Variants in ZNF366 observed in about 807,000 individuals in gnomAD.
ZNF366 encodes the protein dendritic cell-specific transcript protein.
A neutral mutation model predicts 47.2 loss-of-function variants in ZNF366; 20 were observed. The ratio of observed to expected loss-of-function variants is 0.42; its 90% confidence interval spans 0.30 to 0.62. ZNF366 has a LOEUF of 0.62. Ranked by LOEUF, ZNF366 falls within the 20% of genes least tolerant of loss-of-function variation. The pLI, the probability that ZNF366 is intolerant of heterozygous loss-of-function variation, is 0.16. For missense variants in ZNF366, 987 were observed against 976.3 expected, an observed-to-expected ratio of 1.01 and a Z score of -0.15; for synonymous variants, 421 against 395.1, an observed-to-expected ratio of 1.07 and a Z score of -0.78.
chr5:72,482,803 C>A (rs901826687), intron 1 of ZNF366, among the ~76,000 whole-genome samples: 2 of 146,662 alleles, frequency 1.4e-5, no homozygotes, highest in South Asian at 2.2e-4. Flanking sequence ...TTCTGAGAAA[C>A]CTTCTCTTAA....
rs1435589892 is a variant in ZNF366, at chr5:72,440,464, G to A, written c.*3292C>T. On this transcript the variant is annotated 3_prime_UTR_variant, in exon 5 of 5. Coordinates refer to ENST00000318442, the MANE Select transcript of ZNF366 (RefSeq NM_152625.3). ...GTGACAGTGGTCAAAAGGCTGGAAA[G>A]CATTTGGTAGTGACCTATTTTCAGA... The A allele has an allele frequency of 2.6e-5, 4 of 152,224 alleles. No homozygotes were observed. In the East Asian group the frequency reaches 7.7e-4, roughly 29 times the overall value. The allele number at this position is 152,224 out of a possible 1,614,324, so 9.4% of individuals were successfully genotyped here.
intron 1 of ZNF366, among the ~76,000 whole-genome samples, chr5:72,500,050 C>T (rs1277400974): frequency 6.6e-6 from 1 of 152,178 alleles, no homozygotes; most frequent in African/African-American, 2.4e-5. Context: ...ATTCTTTCCA[C>T]AGAGTTTTCT....
chr5:72,444,124 C>T lies in ZNF366; in HGVS notation c.1867G>A (p.Asp623Asn), dbSNP rs1473569929. The change falls in exon 5 of 5, where the codon GAT becomes AAT. Residue 623 changes from aspartate to asparagine, a missense_variant. By Grantham distance (23) the Asp-to-Asn change is conservative. Around this residue, in one of 3 missense-constraint regions of ZNF366, gnomAD observed 285 missense variants for 234.8 expected, o/e 1.21. Coordinates refer to ENST00000318442, the MANE Select transcript of ZNF366 (RefSeq NM_152625.3). ...GSHCHEEEEE[D>N]NCYEVEPYSP... ...TAGGGCTCCACCTCGTAGCAGTTAT[C>T]CTCCTCTTCCTCCTCGTGGCAGTGG... 4 of 1,613,828 alleles carry T rather than the reference C, an allele frequency of 2.5e-6. No individual in the cohort carries two copies. Among genetic ancestry groups the T allele is most frequent in the South Asian group, 2.2e-5 (2 of 91,092 alleles).
chr5:72,492,761 TG>T (rs1469335149), intron 1 of ZNF366, among the ~76,000 whole-genome samples: 2 of 152,250 alleles, frequency 1.3e-5, no homozygotes, highest in Admixed American at 1.3e-4. Context: ...CTTACAGCTG[TG>T]GTCCTCAGCA....
In ZNF366 at chr5:72,453,102, C is replaced by A. The variant is rs1035341195; in HGVS notation, c.1524+3302G>T. On this transcript the variant is annotated intron_variant, in intron 3 of 4. Transcript: ENST00000318442. ...ATCCTATTGTTAATGCCTAATCCCA[C>A]AGTGAGTGAACATTTCTGCGTGCTA... is the stretch of plus-strand genomic sequence containing the variant. Among the ~76,000 whole-genome samples the A allele has an allele frequency of 2.9e-4, 44 of 152,222 alleles. 1 individual carries two copies. The highest frequency in any genetic ancestry group is 1.8e-4 in the Non-Finnish European group (12 of 68,036).
Position 72,460,620 on chromosome 5 carries a change from G to T in ZNF366, c.877C>A (p.Leu293Ile), listed in dbSNP as rs773713314. 7 of 1,614,070 alleles carry T rather than the reference G, an allele frequency of 4.3e-6. No individual in the cohort carries two copies. In the East Asian group the frequency reaches 1.6e-4, roughly 36 times the overall value. The change falls in exon 2 of 5, where the codon CTC becomes ATC. Residue 293 changes from leucine (L) to isoleucine (I), a missense_variant. Leu to Ile is a conservative substitution (Grantham distance 5, BLOSUM62 2). This residue lies in a region of ZNF366 where 591 missense variants were observed against 560.9 expected (regional missense o/e 1.05). Transcript: ENST00000318442. ...AGCATGTGGGTATGCAGGTGGCTGA[G>T]CTGCTTGAAGAGCTTCCCGCAGTGC... Reference protein sequence around the residue: ...CTHCGKLFKQLSHLHTHMLTH... With the variant: ...CTHCGKLFKQISHLHTHMLTH...
At chr5:72,445,584 A>G (rs1014808307) in intron 4 of ZNF366, among the ~76,000 whole-genome samples, 2 of 152,228 alleles carry the variant, frequency 1.3e-5, no homozygotes, top group African/African-American at 4.8e-5. Flanking sequence ...AAATTTTTCA[A>G]AGCAACCCTC....
intron 3 of ZNF366, among the ~76,000 whole-genome samples, chr5:72,450,439 C>T (rs181227405): frequency 2.7e-4 from 41 of 152,266 alleles, no homozygotes; most frequent in Admixed American, 9.2e-4. Context: ...TCTTTGCAGC[C>T]AACTCAGTAT....
chr5:72,482,180 C>G (rs1190320529), intron 1 of ZNF366, among the ~76,000 whole-genome samples: 1 of 152,140 alleles, frequency 6.6e-6, no homozygotes, highest in African/African-American at 2.4e-5. Flanking sequence ...AATCTGGACT[C>G]GGACTCATAA....
At chr5:72,493,899 C>T (rs753522101) in intron 1 of ZNF366, among the ~76,000 whole-genome samples, 34 of 137,030 alleles carry the variant, frequency 2.5e-4, no homozygotes, top group Non-Finnish European at 4.8e-4. Context: ...GGATTACAGG[C>T]GTGAGCCACC....
intron 2 of ZNF366, among the ~76,000 whole-genome samples, chr5:72,459,089 A>G (rs1648594248): frequency 6.6e-6 from 1 of 152,112 alleles, no homozygotes; most frequent in Non-Finnish European, 1.5e-5. Context: ...GTAGGGCAGG[A>G]GCTGTTTGTG....
At position 72,440,560 on chromosome 5, in the gene ZNF366, G is replaced by C. The variant is rs1424651434; in HGVS notation, c.*3196C>G. 6.6e-6 allele frequency: 1 copy of C among 152,176 alleles called. No individual in the cohort carries two copies. The highest frequency in any genetic ancestry group is 1.5e-5 in the Non-Finnish European group (1 of 68,030). 9.4% of individuals were successfully genotyped at this position (152,176 alleles called of 1,614,324 possible). On this transcript the variant is annotated 3_prime_UTR_variant, in exon 5 of 5. Coordinates refer to ENST00000318442, the MANE Select transcript of ZNF366 (RefSeq NM_152625.3). ...AAGGCTTCATCCCTTAGTTCTCTGA[G>C]ATGGCCCACATGGACTCTCCTTCAA...
rs1413907070 is a variant in ZNF366 at position 72,441,832 on chromosome 5, AG to A, written c.*1923del. 6.6e-6 allele frequency: 1 copy of A among 152,212 alleles called. No homozygotes were observed. Among genetic ancestry groups the A allele is most frequent in the Non-Finnish European group, 1.5e-5 (1 of 68,046 alleles). 9.4% of individuals were successfully genotyped at this position (152,212 alleles called of 1,614,324 possible). On this transcript the variant is annotated 3_prime_UTR_variant, in exon 5 of 5. Transcript: ENST00000318442. ...AAATACGAGTCAAAACTACCAAACAAGAAGTTTTTACATAAACAGACACAGT... is the reference window on the plus strand; with the variant it reads ...AAATACGAGTCAAAACTACCAAACAAAAGTTTTTACATAAACAGACACAGT...
chr5:72,502,264 G>A (rs1490142241), intron 1 of ZNF366, among the ~76,000 whole-genome samples: 2 of 152,144 alleles, frequency 1.3e-5, no homozygotes, highest in Admixed American at 1.3e-4. Flanking sequence ...ACATAACGCT[G>A]GATGAAGACA....
intron 1 of ZNF366, among the ~76,000 whole-genome samples, chr5:72,495,781 A>G (rs868085633): frequency 2.2e-4 from 33 of 152,214 alleles, no homozygotes; most frequent in Admixed American, 1.0e-3. Context: ...AGGCTCAGAC[A>G]TTTGCCCACT....
chr5:72,478,829 C>T (rs1376381003), intron 1 of ZNF366, among the ~76,000 whole-genome samples: 7 of 152,172 alleles, frequency 4.6e-5, no homozygotes, highest in Admixed American at 2.0e-4. Context: ...ATCATTCAGA[C>T]GGCTCAAGTC....
chr5:72,463,686 G>A (rs1743376861), intron 1 of ZNF366, among the ~76,000 whole-genome samples: 1 of 152,236 alleles, frequency 6.6e-6, no homozygotes, highest in East Asian at 1.9e-4. Context: ...TGGGTGAAAT[G>A]AGAGTCGTGC....
rs1233106960 is a variant in ZNF366, at chr5:72,456,512, G to A, written c.1416C>T (p.Thr472=). 6.2e-7 allele frequency: 1 copy of A among 1,613,954 alleles called. No homozygotes were observed. The highest frequency in any genetic ancestry group is 1.3e-5 in the African/African-American group (1 of 74,926). The change falls in exon 3 of 5, where the codon ACC becomes ACT. Residue 472 remains threonine, a synonymous_variant. Coordinates refer to ENST00000318442, the MANE Select transcript of ZNF366 (RefSeq NM_152625.3). ...GGTGACACTGGTAGGCGCGGATGTT[G>A]GTGTGGATCAGCACGTGTCGCTTCA... ...ANMKRHVLIH[T]NIRAYQCHLC... is the part of the protein sequence containing the mutation.
At position 72,441,746 on chromosome 5, in the gene ZNF366, G is replaced by A. The variant is rs1235935576; in HGVS notation, c.*2010C>T. On this transcript the variant is annotated 3_prime_UTR_variant, in exon 5 of 5. Coordinates refer to ENST00000318442, the MANE Select transcript of ZNF366 (RefSeq NM_152625.3). ...GTTGGAGATGGACATGTCTTCTAAA[G>A]GAATGTACTGGGAAATCTGGGATAG... 6.6e-6 allele frequency: 1 copy of A among 152,208 alleles called. No homozygotes were observed. The highest frequency in any genetic ancestry group is 6.6e-5 in the Admixed American group (1 of 15,266). 9.4% of individuals were successfully genotyped at this position (152,208 alleles called of 1,614,324 possible). A position where few individuals can be genotyped will look rare whatever the true frequency, so the allele number is the denominator to read the frequency against.
Sources: allele counts gnomAD v4.1 joint callset (sites outside exome capture counted in the v4.1 genomes callset), GRCh38; gene constraint gnomAD v4.1.1; regional missense constraint gnomAD v4.1.1; transcripts MANE v1.5; gene names NCBI Gene and HGNC (gene_info 2026-07-23, HGNC 2026-07-21).